RAPH1: variants seen among roughly 807,000 people sequenced by gnomAD.
RAPH1 encodes the protein Ras association (RalGDS/AF-6) and pleckstrin homology domains 1.
RAPH1 carries 18 observed loss-of-function variants against 88.1 expected under a neutral mutation model. The observed-to-expected ratio is 0.20, with a 90% CI of 0.14 to 0.30. The LOEUF (loss-of-function observed/expected upper bound fraction) is 0.30. Ranked by LOEUF, RAPH1 falls within the 10% of genes least tolerant of loss-of-function variation. The pLI is 1.00. For missense variants in RAPH1, 1,448 were observed against 1,543.2 expected (o/e 0.94, Z 1.03); for synonymous variants, 587 against 559.0 (o/e 1.05, Z -0.71).
At chr2:203,455,632 CA>C in intron 8 of RAPH1, 52 bp from the exon 9 acceptor site, 1 of 1,568,794 alleles carries the variant, frequency 6.4e-7, no homozygotes, top group Non-Finnish European at 8.7e-7. Context: ...ATTCTCAGAA[CA>C]AAGTTGTGTT....
rs572502728 is a variant in RAPH1 at position 203,522,131 on chromosome 2, T to C, written c.-1+12980A>G. ...TCCAAAACCATACAAGCCAAAAGAA[T>C]TGTGCCAATAAACTATACAGCTTTA... On this transcript the variant is annotated intron_variant, in intron 1 of 13. Coordinates refer to ENST00000319170, the MANE Select transcript of RAPH1 (RefSeq NM_213589.3). 2.0e-5 allele frequency among the ~76,000 whole-genome samples: 3 copies of C among 152,278 alleles called. No homozygotes were observed. The South Asian group carries it at 6.2e-4, about 32-fold the overall frequency.
intron 10 of RAPH1, among the ~76,000 whole-genome samples, chr2:203,453,300 TC>T (rs1453531182): frequency 6.6e-6 from 1 of 151,974 alleles, no homozygotes; most frequent in East Asian, 1.9e-4. Context: ...ATCCTAGCAC[TC>T]TGGGAAGCCT....
At chr2:203,532,440 T>C (rs1409129055) in intron 1 of RAPH1, among the ~76,000 whole-genome samples, 1 of 152,188 alleles carries the variant, frequency 6.6e-6, no homozygotes. Context: ...AAAGAGTATA[T>C]GTGTGTGTTG....
chr2:203,516,901 G>A (rs546193350), intron 1 of RAPH1, among the ~76,000 whole-genome samples: 2 of 152,126 alleles, frequency 1.3e-5, no homozygotes, highest in South Asian at 2.1e-4. Context: ...GGGCGTGGTG[G>A]TGGGCGCCTG....
chr2:203,467,411 C>T (rs997013498), intron 4 of RAPH1, among the ~76,000 whole-genome samples: 6 of 150,828 alleles, frequency 4.0e-5, no homozygotes, highest in African/African-American at 9.8e-5. Context: ...GCCATGATAG[C>T]GAAACCCCGT....
chr2:203,507,175 G>A (rs1290535081), intron 1 of RAPH1, among the ~76,000 whole-genome samples: 1 of 151,380 alleles, frequency 6.6e-6, no homozygotes, highest in Non-Finnish European at 1.5e-5. Context: ...GGGATTACAG[G>A]TGTGTGCCAC....
chr2:203,534,526 T>C (rs1423469730), intron 1 of RAPH1, among the ~76,000 whole-genome samples: 1 of 14,964 alleles, frequency 6.7e-5, no homozygotes, highest in South Asian at 3.0e-3. Context: ...CCCCCCCCCA[T>C]GAATTGCAGT....
chr2:203,480,026 A>G (rs1687650130), intron 4 of RAPH1, among the ~76,000 whole-genome samples: 1 of 152,186 alleles, frequency 6.6e-6, no homozygotes, highest in South Asian at 2.1e-4. Context: ...CTCTGTATAA[A>G]TTTTGCTGTA....
At chr2:203,476,244 C>A (rs1687437740) in intron 4 of RAPH1, among the ~76,000 whole-genome samples, 2 of 152,042 alleles carry the variant, frequency 1.3e-5, no homozygotes, top group South Asian at 4.2e-4. Flanking sequence ...TATCTTGGCT[C>A]ACTGCAGCCT....
At chr2:203,475,103 T>C (rs2098536241) in intron 4 of RAPH1, among the ~76,000 whole-genome samples, 1 of 152,080 alleles carries the variant, frequency 6.6e-6, no homozygotes, top group Non-Finnish European at 1.5e-5. Flanking sequence ...AGAGCAAGAC[T>C]GCATCTTAAA....
Position 203,461,869 on chromosome 2 carries a change from A to C in RAPH1, c.789T>G (p.Ile263Met). Reference protein sequence around the residue: ...AEKIRVALEKIKEAQVKKLVI... With the variant: ...AEKIRVALEKMKEAQVKKLVI... The stretch of plus-strand genomic sequence containing the variant: ...TCACCTTTTTCACTTGTGCCTCTTT[A>C]ATTTTCTCTAGGGCAACTCTGATCT... The change falls in exon 5 of 14, where the codon ATT (isoleucine) becomes ATG (methionine). Residue 263 changes from isoleucine to methionine, a missense_variant. Ile to Met is a conservative substitution (Grantham distance 10). Around this residue, in one of 2 missense-constraint regions of RAPH1, gnomAD observed 513 missense variants for 653.1 expected, o/e 0.79. Transcript: ENST00000319170. The C allele has an allele frequency of 6.2e-7, 1 of 1,608,246 alleles. No homozygotes were observed. Among genetic ancestry groups the C allele is most frequent in the Non-Finnish European group, 8.5e-7 (1 of 1,177,298 alleles).
intron 8 of RAPH1, among the ~76,000 whole-genome samples, chr2:203,456,306 A>G (rs2098519523): frequency 6.6e-6 from 1 of 152,200 alleles, no homozygotes; most frequent in African/African-American, 2.4e-5. Context: ...GTTAGACTTT[A>G]TTTTTTCTCT....
chr2:203,477,627 G>C (rs551745685), intron 4 of RAPH1, among the ~76,000 whole-genome samples: 2 of 152,126 alleles, frequency 1.3e-5, no homozygotes, highest in South Asian at 4.2e-4. Flanking sequence ...TTATCATGAG[G>C]ATCTTCATCA....
chr2:203,510,937 T>C (rs1156602497), intron 1 of RAPH1, among the ~76,000 whole-genome samples: 1 of 152,088 alleles, frequency 6.6e-6, no homozygotes, highest in Non-Finnish European at 1.5e-5. Context: ...TATGTATATC[T>C]CAATTTAAAA....
chr2:203,464,224 A>G (rs1396481103), intron 4 of RAPH1, among the ~76,000 whole-genome samples: 2 of 152,236 alleles, frequency 1.3e-5, no homozygotes, highest in African/African-American at 2.4e-5. Flanking sequence ...TGAAGAGGAA[A>G]AACTGATATG....
chr2:203,487,106 G>A (rs566962825), intron 4 of RAPH1, among the ~76,000 whole-genome samples: 49 of 152,220 alleles, frequency 3.2e-4, no homozygotes, highest in Non-Finnish European at 5.4e-4. Context: ...TTTATAATGA[G>A]CACATTTTAC....
intron 1 of RAPH1, among the ~76,000 whole-genome samples, chr2:203,499,773 A>G (rs1046202521): frequency 6.6e-6 from 1 of 152,210 alleles, no homozygotes; most frequent in African/African-American, 2.4e-5. Flanking sequence ...AGGTCCTACA[A>G]CATTTCTTAA....
chr2:203,530,829 T>C (rs1206985753), intron 1 of RAPH1, among the ~76,000 whole-genome samples: 1 of 151,262 alleles, frequency 6.6e-6, no homozygotes, highest in Non-Finnish European at 1.5e-5. Context: ...GAGGCAGAGG[T>C]TGCAGTGAGC....
chr2:203,442,010 A>G, intron 13 of RAPH1: 1 of 1,557,262 alleles, frequency 6.4e-7, no homozygotes, highest in Non-Finnish European at 8.6e-7. Flanking sequence ...TTGGTGTGAG[A>G]CAATTGCATC....
Sources: allele counts gnomAD v4.1 joint callset (sites outside exome capture counted in the v4.1 genomes callset), GRCh38; gene constraint gnomAD v4.1.1; regional missense constraint gnomAD v4.1.1; transcripts MANE v1.5; gene names NCBI Gene and HGNC (gene_info 2026-07-23, HGNC 2026-07-21).